Variants in LRRC49 observed in about 807,000 individuals in gnomAD.
LRRC49 encodes leucine-rich repeat-containing protein 49.
LRRC49 carries 50 observed loss-of-function variants against 83.3 expected under a neutral mutation model. The ratio of observed to expected loss-of-function variants is 0.60; its 90% CI spans 0.48 to 0.76. LRRC49 has a LOEUF of 0.76. LRRC49 is among the 30% of genes least tolerant of loss of function. The pLI is 0.00. For missense variants in LRRC49, 704 were observed against 809.1 expected (o/e 0.87, Z 1.58); for synonymous variants, 286 against 283.3 (o/e 1.01, Z -0.10).
chr15:70,946,901 C>T (rs1352696734), intron 8 of LRRC49, among the ~76,000 whole-genome samples: 2 of 151,666 alleles, frequency 1.3e-5, no homozygotes, highest in Non-Finnish European at 2.9e-5. Flanking sequence ...ATTGTAGTCC[C>T]TTTTTTTTCA....
chr15:71,028,605 AC>A (rs1324965606), intron 14 of LRRC49, among the ~76,000 whole-genome samples: 9 of 152,142 alleles, frequency 5.9e-5, no homozygotes, highest in African/African-American at 2.2e-4. Context: ...ACTATTAATT[AC>A]TGCCTCAATT....
intron 14 of LRRC49, among the ~76,000 whole-genome samples, chr15:71,030,407 C>A (rs1177753085): frequency 6.6e-6 from 1 of 152,182 alleles, no homozygotes; most frequent in African/African-American, 2.4e-5. Flanking sequence ...ACGGGCTTCC[C>A]TTTGTGGGTA....
At position 70,951,573 on chromosome 15, in the gene LRRC49, T is replaced by C. The variant is rs561428863; in HGVS notation, c.774-12212T>C. Among the ~76,000 whole-genome samples, 8 of 152,248 alleles carry C rather than the reference T, an allele frequency of 5.3e-5. 1 individual carries two copies. The South Asian group carries it at 1.7e-3, about 32-fold the overall frequency. On this transcript the variant is annotated intron_variant, in intron 8 of 15. Coordinates refer to ENST00000260382, the MANE Select transcript of LRRC49 (RefSeq NM_017691.5). ...TTTTGCTGAGCCTAGACATTATTGGTGTATAGAAATGCTACTGATTTTCTT... is the reference window on the plus strand; with the variant it reads ...TTTTGCTGAGCCTAGACATTATTGGCGTATAGAAATGCTACTGATTTTCTT...
At chr15:71,044,783 C>T (rs2141309877) in intron 15 of LRRC49, among the ~76,000 whole-genome samples, 1 of 150,982 alleles carries the variant, frequency 6.6e-6, no homozygotes, top group Admixed American at 6.6e-5. Flanking sequence ...GAGACCCTGT[C>T]TCCAAAAAAT....
At chr15:70,918,984 G>C in intron 6 of LRRC49, 66 bp from the exon 7 acceptor site, 1 of 1,289,232 alleles carries the variant, frequency 7.8e-7, no homozygotes, top group Non-Finnish European at 1.1e-6. Context: ...TATTTTTAGG[G>C]TTTTTAGAAC....
chr15:70,993,507 G>A (rs1355499311), intron 11 of LRRC49, among the ~76,000 whole-genome samples: 1 of 152,058 alleles, frequency 6.6e-6, no homozygotes, highest in Non-Finnish European at 1.5e-5. Flanking sequence ...GTTCCTATTC[G>A]ACCATCTTGG....
intron 1 of LRRC49, among the ~76,000 whole-genome samples, chr15:70,866,154 T>C (rs947452319): frequency 1.3e-5 from 2 of 149,958 alleles, no homozygotes; most frequent in Non-Finnish European, 3.0e-5. Flanking sequence ...ATTTATTTAT[T>C]TATTTATTTT....
At chr15:71,000,756 C>T (rs946688944) in intron 11 of LRRC49, among the ~76,000 whole-genome samples, 4 of 152,102 alleles carry the variant, frequency 2.6e-5, no homozygotes, top group African/African-American at 7.2e-5. Flanking sequence ...AGCCTGTCTC[C>T]GTGATCTAAT....
At chr15:70,902,882 A>C (rs1378299145) in intron 4 of LRRC49, among the ~76,000 whole-genome samples, 1 of 152,162 alleles carries the variant, frequency 6.6e-6, no homozygotes, top group Non-Finnish European at 1.5e-5. Flanking sequence ...GTGGGTCTCT[A>C]GTTATTATGT....
chr15:70,953,947 T>C (rs2141183680), intron 8 of LRRC49, among the ~76,000 whole-genome samples: 1 of 152,314 alleles, frequency 6.6e-6, no homozygotes, highest in Non-Finnish European at 1.5e-5. Context: ...TAGACTGTAG[T>C]GCAGTGGCGT....
chr15:70,957,213 A>G (rs1449229759), intron 8 of LRRC49, among the ~76,000 whole-genome samples: 1 of 152,212 alleles, frequency 6.6e-6, no homozygotes, highest in African/African-American at 2.4e-5. Context: ...AACAGTTACA[A>G]TCATTTTAGT....
chr15:70,898,465 A>T lies in LRRC49; in HGVS notation c.194-2457A>T, dbSNP rs1263457862. Reference sequence around the variant, plus strand: ...AAGGGCTACATATCTGGTAAGTTAAATAGTAATATAAGAAATAAATAATAA... The same window carrying T: ...AAGGGCTACATATCTGGTAAGTTAATTAGTAATATAAGAAATAAATAATAA... On this transcript the variant is annotated intron_variant, in intron 3 of 15. Coordinates refer to ENST00000260382, the MANE Select transcript of LRRC49 (RefSeq NM_017691.5). 3 of 698,968 alleles carry T rather than the reference A, an allele frequency of 4.3e-6. No individual in the cohort carries two copies. The Admixed American group carries it at 6.1e-5, about 14-fold the overall frequency. 43.3% of individuals were successfully genotyped at this position (698,968 alleles called of 1,614,324 possible).
intron 6 of LRRC49, among the ~76,000 whole-genome samples, chr15:70,914,264 C>T (rs961371508): frequency 6.6e-6 from 1 of 152,036 alleles, no homozygotes; most frequent in Non-Finnish European, 1.5e-5. Context: ...CAACTAATGT[C>T]CAATTCTAAA....
At chr15:71,009,495 A>G in intron 12 of LRRC49, 1 of 195,048 alleles carries the variant, frequency 5.1e-6, no homozygotes, top group Non-Finnish European at 1.0e-5. Context: ...TATAAAATCA[A>G]TAATTCCTGA....
chr15:70,869,535 A>G (rs1030713129), intron 1 of LRRC49, among the ~76,000 whole-genome samples: 2 of 152,124 alleles, frequency 1.3e-5, no homozygotes, highest in African/African-American at 4.8e-5. Context: ...TGTGGAATGT[A>G]CATATATTTA....
intron 8 of LRRC49, 94 bp from the exon 9 acceptor site, chr15:70,963,691 A>T (rs1220529597): frequency 7.2e-7 from 1 of 1,394,872 alleles, no homozygotes; most frequent in Admixed American, 2.1e-5. Context: ...ATTTTTCTGT[A>T]AATCTAAAAC....
At chr15:70,911,731 T>A (rs2034560527) in intron 6 of LRRC49, 133 bp downstream of exon 6, 2 of 577,118 alleles carry the variant, frequency 3.5e-6, no homozygotes, top group Non-Finnish European at 3.1e-6. Context: ...TTCTAAGGTA[T>A]CAAGCTTATT....
chr15:70,980,653 T>G (rs1417391271), intron 10 of LRRC49, among the ~76,000 whole-genome samples: 1 of 152,034 alleles, frequency 6.6e-6, no homozygotes, highest in East Asian at 1.9e-4. Context: ...AACTTAGGAA[T>G]GAAAATTTGT....
chr15:71,047,112 C>A (rs916621711), intron 15 of LRRC49, among the ~76,000 whole-genome samples: 1 of 152,174 alleles, frequency 6.6e-6, no homozygotes, highest in African/African-American at 2.4e-5. Flanking sequence ...AGTTTGAAGT[C>A]AGATAGCATA....
Sources: gnomAD v4.1 joint callset for allele counts (sites outside exome capture counted in the v4.1 genomes callset) on GRCh38, gnomAD v4.1.1 for gene constraint, MANE v1.5 for transcripts, NCBI Gene and HGNC (gene_info 2026-07-23, HGNC 2026-07-21) for gene names.